The following PRDM5 variants were observed in gnomAD, a reference collection of about 807,000 sequenced individuals.
PRDM5 encodes PR/SET domain 5.
PRDM5 carries 56 observed loss-of-function variants against 81.2 expected under a neutral mutation model. The ratio of observed to expected loss-of-function variants is 0.69; its 90% CI spans 0.56 to 0.86. The LOEUF (loss-of-function observed/expected upper bound fraction) is 0.86. PRDM5 is among the 40% of genes least tolerant of loss of function. The probability of loss-of-function intolerance (pLI) is 0.00; values close to 1 mark genes in which losing one functional copy is unlikely to be tolerated. For synonymous variants in PRDM5, 267 were observed against 256.4 expected (o/e 1.04, Z -0.39); for missense variants, 697 against 770.1 (o/e 0.91, Z 1.12).
At chr4:120,886,009 G>C (rs1310571456) in intron 2 of PRDM5, among the ~76,000 whole-genome samples, 1 of 152,122 alleles carries the variant, frequency 6.6e-6, no homozygotes, top group Non-Finnish European at 1.5e-5. Context: ...TCTTATGAAT[G>C]GCAGATAAAG....
intron 13 of PRDM5, among the ~76,000 whole-genome samples, chr4:120,760,773 C>T (rs948269194): frequency 6.6e-6 from 1 of 151,516 alleles, no homozygotes; most frequent in Non-Finnish European, 1.5e-5. Flanking sequence ...CACATACCAT[C>T]TTCTAGTTAC....
Position 120,908,239 on chromosome 4 carries a change from A to G in PRDM5, c.94-682T>C, listed in dbSNP as rs572151835. Among the ~76,000 whole-genome samples, 3 of 152,250 alleles carry G rather than the reference A, an allele frequency of 2.0e-5. No homozygotes were observed. The South Asian group carries it at 6.2e-4, about 32-fold the overall frequency. On this transcript the variant is annotated intron_variant, in intron 1 of 15. Coordinates refer to ENST00000264808, the MANE Select transcript of PRDM5 (RefSeq NM_018699.4). ...CTTTTAAGGACATGTTCAATGGGCA[A>G]GTAACACTCTTTTCTCTCTAAAGTG... is the stretch of plus-strand genomic sequence containing the variant.
At chr4:120,706,615 A>G (rs1219940237) in intron 15 of PRDM5, among the ~76,000 whole-genome samples, 2 of 151,898 alleles carry the variant, frequency 1.3e-5, no homozygotes, top group African/African-American at 4.8e-5. Flanking sequence ...AGTTATTGCT[A>G]TAGGCATGCT....
chr4:120,904,665 T>C (rs183383787), intron 2 of PRDM5, among the ~76,000 whole-genome samples: 1 of 152,162 alleles, frequency 6.6e-6, no homozygotes, highest in African/African-American at 2.4e-5. Flanking sequence ...CAGGAATAGA[T>C]AATGCAAAAC....
Position 120,698,005 on chromosome 4 carries a change from T to TGGTTG in PRDM5, c.1729-2731_1729-2730insCAACC, listed in dbSNP as rs542575605. 2.0e-4 allele frequency among the ~76,000 whole-genome samples: 30 copies of TGGTTG among 152,214 alleles called. No homozygotes were observed. The East Asian group carries it at 4.6e-3, about 23-fold the overall frequency. ...TCAATAGATTAATATTAATATTAGCTGACATTGGTTGGAAAATTGGGAATC... is the reference window on the plus strand; with the variant it reads ...TCAATAGATTAATATTAATATTAGCTGGTTGGACATTGGTTGGAAAATTGGGAATC... On this transcript the variant is annotated intron_variant, in intron 15 of 15. Transcript: ENST00000264808.
At chr4:120,904,891 C>A (rs958477168) in intron 2 of PRDM5, among the ~76,000 whole-genome samples, 3 of 151,972 alleles carry the variant, frequency 2.0e-5, no homozygotes, top group African/African-American at 7.3e-5. Context: ...ATTTGTACCC[C>A]TTAAATTTAT....
chr4:120,742,108 G>A (rs935536322), intron 14 of PRDM5, among the ~76,000 whole-genome samples: 3 of 152,226 alleles, frequency 2.0e-5, no homozygotes, highest in African/African-American at 7.2e-5. Flanking sequence ...CTCCTCAAGT[G>A]GGTCCCTGAC....
chr4:120,862,938 C>T (rs1198819994), intron 2 of PRDM5, among the ~76,000 whole-genome samples: 1 of 151,806 alleles, frequency 6.6e-6, no homozygotes, highest in East Asian at 1.9e-4. Context: ...GAGGGTGACT[C>T]GCTTGAGCCC....
In PRDM5 at chr4:120,900,826, T is replaced by TA. The variant is rs891776713; in HGVS notation, c.177+6647dup. Among the ~76,000 whole-genome samples, 23 of 152,020 alleles carry TA rather than the reference T, an allele frequency of 1.5e-4. No individual in the cohort carries two copies. The South Asian group carries it at 4.2e-3, about 27-fold the overall frequency. On this transcript the variant is annotated intron_variant, in intron 2 of 15. Coordinates refer to ENST00000264808, the MANE Select transcript of PRDM5 (RefSeq NM_018699.4). ...GGAGTTTTGGGGGGTATTTATTGCTTAAAAAAAAGTTTGTTTCACACAACA... is the reference window on the plus strand; with the variant it reads ...GGAGTTTTGGGGGGTATTTATTGCTTAAAAAAAAAGTTTGTTTCACACAACA...
chr4:120,814,329 T>C (rs531135919), intron 7 of PRDM5, among the ~76,000 whole-genome samples: 1 of 152,314 alleles, frequency 6.6e-6, no homozygotes, highest in African/African-American at 2.4e-5. Flanking sequence ...CTTTCCTATT[T>C]AGGTAAATCT....
At chr4:120,836,702 T>A (rs752004171) in intron 3 of PRDM5, among the ~76,000 whole-genome samples, 8 of 152,204 alleles carry the variant, frequency 5.3e-5, no homozygotes, top group Non-Finnish European at 1.2e-4. Context: ...CATCTCTAAC[T>A]GGGGGAATCT....
intron 2 of PRDM5, among the ~76,000 whole-genome samples, chr4:120,903,332 A>G (rs913614514): frequency 5.3e-5 from 8 of 152,208 alleles, no homozygotes; most frequent in Non-Finnish European, 7.3e-5. Context: ...AAGCAGGACC[A>G]GTAACAGGAC....
chr4:120,843,741 A>C (rs1245426737), intron 3 of PRDM5, among the ~76,000 whole-genome samples: 1 of 152,130 alleles, frequency 6.6e-6, no homozygotes, highest in Admixed American at 6.5e-5. Context: ...AGCCTGCACA[A>C]AACTTTCTTC....
At chr4:120,821,139 T>A (rs1286375557) in intron 4 of PRDM5, 32 bp downstream of exon 4, 6 of 1,606,488 alleles carry the variant, frequency 3.7e-6, no homozygotes. Context: ...ACAACTTTTC[T>A]TCTCCCAGAT....
rs1399169460 is a variant in PRDM5 at position 120,887,180 on chromosome 4, G to A, written c.177+20294C>T. Among the ~76,000 whole-genome samples, 4 of 152,068 alleles carry A rather than the reference G, an allele frequency of 2.6e-5. No individual in the cohort carries two copies. In the South Asian group the frequency reaches 8.3e-4, roughly 32 times the overall value. On this transcript the variant is annotated intron_variant, in intron 2 of 15. Coordinates refer to ENST00000264808, the MANE Select transcript of PRDM5 (RefSeq NM_018699.4). ...AGGCTGGTCTTGAATTCCTGAACTCGTGATCCACCCGCCTTGGCCTCTCAA... is the reference window on the plus strand; with the variant it reads ...AGGCTGGTCTTGAATTCCTGAACTCATGATCCACCCGCCTTGGCCTCTCAA...
Position 120,823,641 on chromosome 4 carries a change from A to G in PRDM5, c.301-2296T>C, listed in dbSNP as rs114943504. ...CATCCTACAAATCCTGCAACTCTTC[A>G]TGGTGTTGTTCTCCTCCCTACAAAC... On this transcript the variant is annotated intron_variant, in intron 3 of 15. Transcript: ENST00000264808. Among the ~76,000 whole-genome samples the G allele has an allele frequency of 2.2e-3, 340 of 152,230 alleles. 1 individual carries two copies. Among genetic ancestry groups the G allele is most frequent in the Middle Eastern group, 0.01 (3 of 294 alleles).
At chr4:120,784,495 T>A (rs1435990498) in intron 11 of PRDM5, among the ~76,000 whole-genome samples, 2 of 152,108 alleles carry the variant, frequency 1.3e-5, no homozygotes. Context: ...CGCTGTGAAA[T>A]CTTGAGTATG....
chr4:120,750,574 C>A (rs1046544806), intron 14 of PRDM5, among the ~76,000 whole-genome samples: 9 of 152,076 alleles, frequency 5.9e-5, no homozygotes, highest in Non-Finnish European at 1.2e-4. Context: ...AGCCATTGAC[C>A]AAACTGACTC....
chr4:120,881,071 A>G (rs948114416), intron 2 of PRDM5, among the ~76,000 whole-genome samples: 2 of 152,200 alleles, frequency 1.3e-5, no homozygotes, highest in African/African-American at 4.8e-5. Context: ...TTATGTGTAA[A>G]AACATAATTA....
Sources: allele counts gnomAD v4.1 joint callset (sites outside exome capture counted in the v4.1 genomes callset), GRCh38; gene constraint gnomAD v4.1.1; transcripts MANE v1.5; gene names NCBI Gene and HGNC (gene_info 2026-07-23, HGNC 2026-07-21).